Variants in MDM1 observed in about 807,000 individuals in gnomAD.
MDM1 encodes Mdm1 nuclear protein.
MDM1 carries 61 observed loss-of-function variants against 89.1 expected under a neutral mutation model. The observed-to-expected ratio is 0.68, with a 90% CI of 0.56 to 0.85. The LOEUF is 0.85. MDM1 is among the 40% of genes least tolerant of loss of function. MDM1 has a pLI of 0.00. For missense variants in MDM1, 820 were observed against 846.5 expected (o/e 0.97, Z 0.39); for synonymous variants, 290 against 294.1 (o/e 0.99, Z 0.14).
chr12:68,327,184 C>T (rs1040272834), intron 2 of MDM1, 163 bp from the exon 3 acceptor site: 78 of 1,389,470 alleles, frequency 5.6e-5, no homozygotes, highest in Middle Eastern at 2.5e-4. Context: ...TTTAAAAGTA[C>T]AGCTTTTCAA....
At chr12:68,325,183 G>C in intron 4 of MDM1, 1 of 1,086,350 alleles carries the variant, frequency 9.2e-7, no homozygotes. Flanking sequence ...AGTTCCCCAA[G>C]TTTTCATTAC....
rs780958880 is a variant in MDM1, at chr12:68,302,691, T to G, written c.1931A>C (p.His644Pro). 3.7e-6 allele frequency: 6 copies of G among 1,613,720 alleles called. No individual in the cohort carries two copies. Among genetic ancestry groups the G allele is most frequent in the Non-Finnish European group, 5.1e-6 (6 of 1,179,838 alleles). Residue 644 changes from histidine (H) to proline (P), a missense_variant, in exon 13 of 15, where the codon CAT becomes CCT. By Grantham distance (77) the His-to-Pro change is moderately conservative (BLOSUM62 -2). Coordinates refer to ENST00000682720, the MANE Select transcript of MDM1 (RefSeq NM_001354969.2). ...AGAGGGATGCCAGTAGGATGGAACA[T>G]GTGGTGGAGAAGGCAACTGTCCAGG... ...NPPGQLPSPP[H>P]VPSYWHPSRR... is the part of the protein sequence containing the mutation.
chr12:68,302,649 G>C lies in MDM1; in HGVS notation c.1973C>G (p.Ser658Cys), dbSNP rs146977411. The C allele has an allele frequency of 1.9e-6, 3 of 1,613,420 alleles. No homozygotes were observed. The highest frequency in any genetic ancestry group is 1.7e-5 in the Admixed American group (1 of 59,954). Residue 658 changes from serine to cysteine, a missense_variant, in exon 13 of 15, where the codon TCT (serine) becomes TGT (cysteine). Ser to Cys is a moderately radical substitution (Grantham distance 112). Transcript: ENST00000682720. Reference protein sequence around the residue: ...YWHPSRRIQGSLRDPEFQHNV... With the variant: ...YWHPSRRIQGCLRDPEFQHNV... Reference sequence around the variant, plus strand: ...GTGCTGAAACTCTGGATCTCTAAGAGAGCCCTGAATTCGTCGAGAGGGATG... The same window carrying C: ...GTGCTGAAACTCTGGATCTCTAAGACAGCCCTGAATTCGTCGAGAGGGATG...
intron 12 of MDM1, among the ~76,000 whole-genome samples, chr12:68,305,820 T>C (rs1872788917): frequency 1.3e-5 from 2 of 151,982 alleles, no homozygotes; most frequent in Admixed American, 6.6e-5. Flanking sequence ...ATTGCCATAC[T>C]GTCTAAAGTA....
At chr12:68,321,310 A>G in intron 7 of MDM1, 37 bp downstream of exon 7, 1 of 1,513,218 alleles carries the variant, frequency 6.6e-7, no homozygotes, top group Admixed American at 2.0e-5. Context: ...CAGAGGCTGA[A>G]AGAACATGTA....
At chr12:68,315,333 A>G (rs1171198284) in intron 9 of MDM1, 68 bp from the exon 10 acceptor site, 9 of 1,425,896 alleles carry the variant, frequency 6.3e-6, no homozygotes, top group Non-Finnish European at 7.7e-6. Context: ...CACCAATTTT[A>G]GTGAGTCCAT....
chr12:68,302,817 A>T lies in MDM1; in HGVS notation c.1805T>A (p.Val602Asp), dbSNP rs953087206. ...ATCTTCCCGCAAAGGCAGAGGATCA[A>T]CTGTTTTTATACCAGCAGCTGGAGA... ...LTSPAAGIKT[V>D]DPLPLREDSE... is the part of the protein sequence containing the mutation. The change falls in exon 13 of 15, where the codon GTT becomes GAT. Residue 602 changes from valine to aspartate, a missense_variant. Val to Asp is a radical substitution (Grantham distance 152). Coordinates refer to ENST00000682720, the MANE Select transcript of MDM1 (RefSeq NM_001354969.2). 1.6e-5 allele frequency: 25 copies of T among 1,612,298 alleles called. No homozygotes were observed. Among genetic ancestry groups the T allele is most frequent in the Non-Finnish European group, 2.0e-5 (24 of 1,179,694 alleles).
intron 13 of MDM1, among the ~76,000 whole-genome samples, chr12:68,301,795 C>T (rs1466538362): frequency 6.6e-6 from 1 of 151,720 alleles, no homozygotes; most frequent in Non-Finnish European, 1.5e-5. Context: ...AATTCTCATG[C>T]CTCAGCCTCC....
intron 12 of MDM1, 130 bp downstream of exon 12, chr12:68,313,310 AAGC>A: frequency 1.5e-6 from 1 of 656,904 alleles, no homozygotes; most frequent in Non-Finnish European, 2.6e-6. Context: ...GCCTTACTAA[AAGC>A]AGGTTAACAG....
In MDM1 at chr12:68,323,241, C is replaced by G; in HGVS notation, c.634-1G>C. The stretch of plus-strand genomic sequence containing the variant: ...CAAACTGGCTTTTATTGTGGAAAAC[C>G]TTAAAACAAAAATTATTTTAGTTTA... On this transcript the variant is annotated splice_acceptor_variant, in intron 4 of 14. Coordinates refer to ENST00000682720, the MANE Select transcript of MDM1 (RefSeq NM_001354969.2). LOFTEE classifies it high-confidence loss of function. 6.5e-7 allele frequency: 1 copy of G among 1,535,774 alleles called. No individual in the cohort carries two copies. Among genetic ancestry groups the G allele is most frequent in the African/African-American group, 1.4e-5 (1 of 70,106 alleles).
At chr12:68,302,043 G>T (rs1362098124) in intron 13 of MDM1, among the ~76,000 whole-genome samples, 1 of 152,084 alleles carries the variant, frequency 6.6e-6, no homozygotes, top group Non-Finnish European at 1.5e-5. Context: ...TTTCCAGATT[G>T]AAAGGTCTAT....
At chr12:68,314,905 T>C (rs778991842) in intron 10 of MDM1, 43 bp downstream of exon 10, 58 of 1,479,946 alleles carry the variant, frequency 3.9e-5, no homozygotes, top group Admixed American at 2.0e-4. Flanking sequence ...ATATCAACCA[T>C]GTAAATAACG....
intron 13 of MDM1, among the ~76,000 whole-genome samples, chr12:68,301,553 A>G (rs1035444696): frequency 3.9e-5 from 6 of 152,182 alleles, no homozygotes; most frequent in African/African-American, 1.4e-4. Context: ...TATAGAATAC[A>G]TCCATGTAAC....
At chr12:68,325,930 C>T (rs1875903185) in intron 3 of MDM1, 6 of 997,106 alleles carry the variant, frequency 6.0e-6, no homozygotes, top group Non-Finnish European at 7.2e-6. Flanking sequence ...ATGAACACCC[C>T]TTCTCCTGCC....
At chr12:68,322,201 T>A (rs1875322596) in intron 5 of MDM1, among the ~76,000 whole-genome samples, 1 of 152,236 alleles carries the variant, frequency 6.6e-6, no homozygotes. Flanking sequence ...CCCAATTACC[T>A]GTAATTTATA....
At chr12:68,327,859 G>A (rs1876238845) in intron 2 of MDM1, among the ~76,000 whole-genome samples, 1 of 152,154 alleles carries the variant, frequency 6.6e-6, no homozygotes, top group Non-Finnish European at 1.5e-5. Context: ...CTCACTGGGT[G>A]GATATCTGTC....
At chr12:68,319,737 C>T (rs1398237058) in intron 7 of MDM1, among the ~76,000 whole-genome samples, 5 of 151,974 alleles carry the variant, frequency 3.3e-5, no homozygotes, top group Admixed American at 3.3e-4. Flanking sequence ...CAAACTATAC[C>T]ACTAATTTAA....
chr12:68,319,283 T>C (rs1874907801), intron 7 of MDM1, among the ~76,000 whole-genome samples: 1 of 152,122 alleles, frequency 6.6e-6, no homozygotes, highest in South Asian at 2.1e-4. Flanking sequence ...ACCCTAATGC[T>C]CTATGAGAGG....
Position 68,296,974 on chromosome 12 carries a change from CT to C in MDM1, c.2010del (p.Ala671GlnfsTer3). 1.3e-6 allele frequency: 2 copies of C among 1,590,562 alleles called. No homozygotes were observed. The highest frequency in any genetic ancestry group is 1.8e-5 in the Admixed American group (1 of 55,814). ...GGTAACTGCAAATTGTTCATCCTTG[CT>C]TTTCCCACTTAAAAAAAAAAAGGCA... ...RDPEFQHNVG[K>X]ARMNNLQLPQ... On this transcript the variant is annotated frameshift_variant, in exon 14 of 15. Transcript: ENST00000682720. LOFTEE classifies it high-confidence loss of function.
Sources: allele counts gnomAD v4.1 joint callset (sites outside exome capture counted in the v4.1 genomes callset), GRCh38; gene constraint gnomAD v4.1.1; transcripts MANE v1.5; gene names NCBI Gene and HGNC (gene_info 2026-07-23, HGNC 2026-07-21).